SDHB: variants seen among roughly 807,000 people sequenced by gnomAD.
SDHB encodes the protein succinate dehydrogenase complex iron sulfur subunit B.
In SDHB, 21 loss-of-function variants were observed where a neutral mutation model predicts 39.7. The ratio of observed to expected loss-of-function variants is 0.53; its 90% confidence interval spans 0.37 to 0.76. The LOEUF is 0.76. Ranked by LOEUF, SDHB falls within the 30% of genes least tolerant of loss-of-function variation. The probability of loss-of-function intolerance (pLI) is 0.00; values close to 1 mark genes in which losing one functional copy is unlikely to be tolerated. For missense variants in SDHB, 343 were observed against 350.9 expected (o/e 0.98, Z 0.18); for synonymous variants, 118 against 117.0 (o/e 1.01, Z -0.06).
intron 5 of SDHB, among the ~76,000 whole-genome samples, chr1:17,024,972 C>A (rs983079021): frequency 6.6e-6 from 1 of 152,130 alleles, no homozygotes; most frequent in African/African-American, 2.4e-5. Context: ...TGTCAACTGG[C>A]CCCACTGGTC....
intron 1 of SDHB, 102 bp downstream of exon 1, chr1:17,053,846 A>G: frequency 1.2e-6 from 1 of 837,484 alleles, no homozygotes; most frequent in Non-Finnish European, 2.0e-6. Context: ...CATCTCCCTG[A>G]GGCCTTGCCC....
chr1:17,030,954 CTTT>C (rs35938342), intron 3 of SDHB, among the ~76,000 whole-genome samples: 30 of 141,968 alleles, frequency 2.1e-4, no homozygotes, highest in Non-Finnish European at 2.7e-4. Flanking sequence ...CTGGCCTCAC[CTTT>C]TTTTTTTTTT....
At chr1:17,040,901 G>A (rs1022801544) in intron 2 of SDHB, among the ~76,000 whole-genome samples, 2 of 152,146 alleles carry the variant, frequency 1.3e-5, no homozygotes, top group Admixed American at 6.5e-5. Context: ...AGGCCGAGGC[G>A]GGTGAATCAC....
At chr1:17,019,455 T>C (rs949943247) in intron 7 of SDHB, among the ~76,000 whole-genome samples, 2 of 152,176 alleles carry the variant, frequency 1.3e-5, no homozygotes, top group Admixed American at 6.5e-5. Context: ...GCCAATACCA[T>C]TGGTATTAGC....
chr1:17,020,347 C>T (rs2101510132), intron 7 of SDHB, among the ~76,000 whole-genome samples: 1 of 152,302 alleles, frequency 6.6e-6, no homozygotes, highest in South Asian at 2.1e-4. Context: ...CACTCCCCTC[C>T]CCACCTGGGG....
chr1:17,046,393 T>C (rs2078110488), intron 1 of SDHB, among the ~76,000 whole-genome samples: 1 of 152,094 alleles, frequency 6.6e-6, no homozygotes, highest in South Asian at 2.1e-4. Flanking sequence ...TTTAATAAGG[T>C]ATAATTCATT....
chr1:17,034,162 T>C (rs1277021998), intron 2 of SDHB, among the ~76,000 whole-genome samples: 1 of 152,154 alleles, frequency 6.6e-6, no homozygotes, highest in Admixed American at 6.5e-5. Flanking sequence ...TTTTCTTTTT[T>C]TTCTTGAGAC....
chr1:17,049,677 T>C (rs1275287834), intron 1 of SDHB, among the ~76,000 whole-genome samples: 16 of 108,978 alleles, frequency 1.5e-4, no homozygotes, highest in Admixed American at 8.6e-4. Context: ...TTTTTTTTTT[T>C]GTGAGACAGT....
At chr1:17,032,028 G>A (rs745673547) in intron 3 of SDHB, among the ~76,000 whole-genome samples, 1 of 152,034 alleles carries the variant, frequency 6.6e-6, no homozygotes, top group Non-Finnish European at 1.5e-5. Context: ...CTGGCTCCAC[G>A]GACATCAGGC....
intron 2 of SDHB, among the ~76,000 whole-genome samples, chr1:17,042,405 T>C (rs1314057285): frequency 2.0e-5 from 3 of 152,138 alleles, no homozygotes; most frequent in Admixed American, 1.3e-4. Flanking sequence ...TTGTTATTTG[T>C]AGGAGGGTTA....
chr1:17,024,528 G>A (rs1193302284), intron 5 of SDHB, among the ~76,000 whole-genome samples: 1 of 152,166 alleles, frequency 6.6e-6, no homozygotes, highest in African/African-American at 2.4e-5. Context: ...CATCCCCAGT[G>A]ACTGCCACTG....
In SDHB at chr1:17,041,580, T is replaced by C. The variant is rs576929050; in HGVS notation, c.200+3181A>G. Among the ~76,000 whole-genome samples the C allele has an allele frequency of 1.3e-3, 194 of 152,096 alleles. 2 individuals carry two copies. Among genetic ancestry groups the C allele is most frequent in the African/African-American group, 4.5e-3 (187 of 41,492 alleles). On this transcript the variant is annotated intron_variant, in intron 2 of 7. Coordinates refer to ENST00000375499, the MANE Select transcript of SDHB (RefSeq NM_003000.3). ...AGGAGGCTGAGGCAAGGGAATCGCTTGAACCCGGGAGGCGGAGGTTGCAGT... is the reference window on the plus strand; with the variant it reads ...AGGAGGCTGAGGCAAGGGAATCGCTCGAACCCGGGAGGCGGAGGTTGCAGT...
At chr1:17,045,046 T>G (rs1278165327) in intron 1 of SDHB, 158 bp from the exon 2 acceptor site, 2 of 676,220 alleles carry the variant, frequency 3.0e-6, no homozygotes, top group African/African-American at 3.6e-5. Context: ...CAACAAGTAT[T>G]AAGCACCTAT....
Position 17,022,677 on chromosome 1 carries a change from G to T in SDHB, c.696C>A (p.Ala232=). 6.2e-7 allele frequency: 1 copy of T among 1,613,968 alleles called. No homozygotes were observed. The highest frequency in any genetic ancestry group is 8.5e-7 in the Non-Finnish European group (1 of 1,179,916). The part of the protein sequence containing the change: ...SRDDFTEERL[A]KLQDPFSLYR... ...ATAGAGAGAATGGGTCCTGCAGCTT[G>T]GCCAGGCGCTCCTCTGTGAAGTCAT... Residue 232 remains alanine (A), a synonymous_variant, in exon 7 of 8, where the codon GCC becomes GCA. Coordinates refer to ENST00000375499, the MANE Select transcript of SDHB (RefSeq NM_003000.3).
chr1:17,051,400 C>A (rs1390827955), intron 1 of SDHB, among the ~76,000 whole-genome samples: 2 of 152,128 alleles, frequency 1.3e-5, no homozygotes, highest in Non-Finnish European at 2.9e-5. Context: ...TGTTGTTCCT[C>A]CAGTAAAGTG....
At chr1:17,052,552 C>G (rs1162621507) in intron 1 of SDHB, 1 of 152,198 alleles carries the variant, frequency 6.6e-6, no homozygotes, top group Non-Finnish European at 1.5e-5. Flanking sequence ...GTTAGTGGGG[C>G]TCTCACAATT....
intron 2 of SDHB, among the ~76,000 whole-genome samples, chr1:17,035,240 G>C (rs2078044562): frequency 6.6e-6 from 1 of 152,048 alleles, no homozygotes; most frequent in South Asian, 2.1e-4. Flanking sequence ...TCACTTTTAA[G>C]CCTAAACAGA....
chr1:17,037,327 G>A (rs555791120), intron 2 of SDHB, among the ~76,000 whole-genome samples: 29 of 149,946 alleles, frequency 1.9e-4, no homozygotes, highest in Non-Finnish European at 3.0e-4. Flanking sequence ...TTGAGACAGC[G>A]TCTCCCTCTG....
At chr1:17,027,182 G>T (rs1050156201) in intron 5 of SDHB, among the ~76,000 whole-genome samples, 2 of 152,160 alleles carry the variant, frequency 1.3e-5, no homozygotes, top group African/African-American at 2.4e-5. Flanking sequence ...GAAGAAGAAA[G>T]ACTGAAAACT....
Sources: gnomAD v4.1 joint callset for allele counts (sites outside exome capture counted in the v4.1 genomes callset) on GRCh38, gnomAD v4.1.1 for gene constraint, MANE v1.5 for transcripts, NCBI Gene and HGNC (gene_info 2026-07-23, HGNC 2026-07-21) for gene names.